Variants in PLEKHM3 observed in about 807,000 individuals in gnomAD.
The protein encoded by PLEKHM3 is pleckstrin homology domain-containing family M member 3.
In PLEKHM3, 45 loss-of-function variants were observed where a neutral mutation model predicts 81.8. The observed-to-expected ratio is 0.55, with a 90% confidence interval of 0.43 to 0.71. The LOEUF (loss-of-function observed/expected upper bound fraction) is 0.71. PLEKHM3 is among the 30% of genes least tolerant of loss of function. The probability of loss-of-function intolerance (pLI) is 0.00; values close to 1 mark genes in which losing one functional copy is unlikely to be tolerated. For missense variants in PLEKHM3, 788 were observed against 924.3 expected (o/e 0.85, Z 1.91); for synonymous variants, 352 against 356.4 (o/e 0.99, Z 0.14).
intron 5 of PLEKHM3, among the ~76,000 whole-genome samples, chr2:207,925,159 T>C (rs1250662352): frequency 6.6e-6 from 1 of 150,446 alleles, no homozygotes; most frequent in African/African-American, 2.4e-5. Flanking sequence ...TTTTTTTTTT[T>C]AGTGAGAGGG....
chr2:207,855,990 C>T (rs1186002361), intron 7 of PLEKHM3, among the ~76,000 whole-genome samples: 11 of 152,066 alleles, frequency 7.2e-5, no homozygotes, highest in South Asian at 2.1e-4. Flanking sequence ...ACTATACTAA[C>T]GTAAAATATT....
At chr2:207,901,561 C>T (rs116517824) in intron 6 of PLEKHM3, among the ~76,000 whole-genome samples, 24 of 152,300 alleles carry the variant, frequency 1.6e-4, no homozygotes, top group African/African-American at 3.1e-4. Context: ...ACTGGGAGAC[C>T]GAGCATGAGG....
chr2:207,881,710 G>C (rs1016209716), intron 6 of PLEKHM3, among the ~76,000 whole-genome samples: 8 of 152,336 alleles, frequency 5.3e-5, no homozygotes, highest in Admixed American at 5.2e-4. Context: ...CGGTATGGTT[G>C]ACAGTCAACC....
At chr2:208,017,636 T>C (rs1411617400) in intron 1 of PLEKHM3, among the ~76,000 whole-genome samples, 1 of 152,168 alleles carries the variant, frequency 6.6e-6, no homozygotes, top group African/African-American at 2.4e-5. Context: ...CCTCTCTTTT[T>C]TCTTGTAAGT....
chr2:207,939,670 A>C (rs2105956113), intron 4 of PLEKHM3, among the ~76,000 whole-genome samples: 1 of 152,330 alleles, frequency 6.6e-6, no homozygotes, highest in Middle Eastern at 3.4e-3. Context: ...TTTCCATTCT[A>C]AAGGTGAAGA....
At chr2:207,908,381 T>A in intron 6 of PLEKHM3, 133 bp downstream of exon 6, 1 of 847,904 alleles carries the variant, frequency 1.2e-6, no homozygotes, top group South Asian at 1.5e-5. Flanking sequence ...TTCCCCCCAT[T>A]CTGAAAAAGA....
At chr2:207,982,208 C>G (rs1236652957) in intron 2 of PLEKHM3, among the ~76,000 whole-genome samples, 1 of 148,528 alleles carries the variant, frequency 6.7e-6, no homozygotes, top group Non-Finnish European at 1.5e-5. Context: ...TTCCTTCCTT[C>G]GTTCCTCCCT....
rs190001697 is a variant in PLEKHM3, at chr2:208,008,189, G to C, written c.-318-6232C>G. Among the ~76,000 whole-genome samples, 368 of 152,172 alleles carry C rather than the reference G, an allele frequency of 2.4e-3. 3 individuals carry two copies. The highest frequency in any genetic ancestry group is 8.3e-3 in the African/African-American group (344 of 41,532). ...GGAGTTCAAGGTCGTAGTAAGCTGT[G>C]ATTGAACTACTGCGCTCCAGCCTGG... On this transcript the variant is annotated intron_variant, in intron 1 of 7. Coordinates refer to ENST00000427836, the MANE Select transcript of PLEKHM3 (RefSeq NM_001080475.3).
chr2:207,890,161 C>G (rs1264260049), intron 6 of PLEKHM3, among the ~76,000 whole-genome samples: 2 of 152,064 alleles, frequency 1.3e-5, no homozygotes, highest in Admixed American at 6.6e-5. Context: ...ATTCTTGTCA[C>G]GAGGTGACAT....
chr2:207,995,008 T>C (rs1289332282), intron 2 of PLEKHM3, among the ~76,000 whole-genome samples: 1 of 152,126 alleles, frequency 6.6e-6, no homozygotes, highest in Non-Finnish European at 1.5e-5. Flanking sequence ...TGCGCGTGTA[T>C]CACAGAACTT....
intron 3 of PLEKHM3, among the ~76,000 whole-genome samples, chr2:207,960,926 A>C (rs1237146571): frequency 6.6e-6 from 1 of 152,218 alleles, no homozygotes; most frequent in East Asian, 1.9e-4. Context: ...AAAAAATTGC[A>C]GTGATGTACT....
intron 7 of PLEKHM3, among the ~76,000 whole-genome samples, chr2:207,848,250 A>G (rs2092395125): frequency 6.6e-6 from 1 of 152,174 alleles, no homozygotes; most frequent in Non-Finnish European, 1.5e-5. Flanking sequence ...CCACCAAAAA[A>G]TTTTGCCTAA....
intron 2 of PLEKHM3, among the ~76,000 whole-genome samples, chr2:207,993,701 G>A (rs921946523): frequency 2.0e-5 from 3 of 151,910 alleles, no homozygotes; most frequent in Admixed American, 6.6e-5. Flanking sequence ...TGAAACCGAC[G>A]GAAACAAAAG....
intron 1 of PLEKHM3, among the ~76,000 whole-genome samples, chr2:208,016,400 T>C (rs1304161098): frequency 6.6e-6 from 1 of 151,698 alleles, no homozygotes; most frequent in Non-Finnish European, 1.5e-5. Flanking sequence ...ATCCCAGCAC[T>C]TTGGGGGGAG....
intron 5 of PLEKHM3, among the ~76,000 whole-genome samples, chr2:207,921,803 T>C (rs1405917321): frequency 1.3e-5 from 2 of 152,232 alleles, no homozygotes; most frequent in Non-Finnish European, 2.9e-5. Context: ...CATAACATTG[T>C]ATAGGCTCAT....
At chr2:207,952,278 A>C (rs369354011) in intron 3 of PLEKHM3, among the ~76,000 whole-genome samples, 1 of 152,226 alleles carries the variant, frequency 6.6e-6, no homozygotes, top group Admixed American at 6.5e-5. Flanking sequence ...CACAGGAATG[A>C]GCAAGGGGAC....
intron 2 of PLEKHM3, among the ~76,000 whole-genome samples, chr2:207,999,440 C>T (rs1224293255): frequency 6.6e-6 from 1 of 151,902 alleles, no homozygotes; most frequent in Non-Finnish European, 1.5e-5. Context: ...CATAGCAAGA[C>T]CCCATCTCTA....
intron 6 of PLEKHM3, among the ~76,000 whole-genome samples, chr2:207,903,227 G>C (rs1259586796): frequency 1.3e-5 from 2 of 152,010 alleles, no homozygotes; most frequent in Non-Finnish European, 2.9e-5. Flanking sequence ...CTATAAACTA[G>C]AATCTAAACT....
chr2:207,968,292 A>G (rs1690990570), intron 3 of PLEKHM3, among the ~76,000 whole-genome samples: 1 of 152,102 alleles, frequency 6.6e-6, no homozygotes, highest in African/African-American at 2.4e-5. Flanking sequence ...CACACAACAG[A>G]AAGTTTTATC....
Sources: gnomAD v4.1 joint callset for allele counts (sites outside exome capture counted in the v4.1 genomes callset) on GRCh38, gnomAD v4.1.1 for gene constraint, MANE v1.5 for transcripts, NCBI Gene and HGNC (gene_info 2026-07-23, HGNC 2026-07-21) for gene names.